SH3BP5: variants seen among roughly 807,000 people sequenced by gnomAD.
SH3BP5 encodes the protein SH3 domain-binding protein 5.
In SH3BP5, 22 loss-of-function variants were observed where a neutral mutation model predicts 43.3. The observed-to-expected ratio is 0.51, with a 90% confidence interval of 0.36 to 0.73. SH3BP5 has a LOEUF of 0.73. SH3BP5 is among the 30% of genes least tolerant of loss of function. The pLI, the probability that SH3BP5 is intolerant of heterozygous loss-of-function variation, is 0.00. For synonymous variants in SH3BP5, 255 were observed against 225.8 expected, an observed-to-expected ratio of 1.13 and a Z score of -1.16; for missense variants, 529 against 586.9, an observed-to-expected ratio of 0.90 and a Z score of 1.02.
intron 2 of SH3BP5, among the ~76,000 whole-genome samples, chr3:15,320,644 CACT>C (rs1698303585): frequency 3.2e-5 from 1 of 30,996 alleles, no homozygotes; most frequent in African/African-American, 1.2e-4. Flanking sequence ...ACACACACCC[CACT>C]ACGTTAAAGT....
At chr3:15,293,707 C>T (rs1697477673) in intron 3 of SH3BP5, among the ~76,000 whole-genome samples, 1 of 152,198 alleles carries the variant, frequency 6.6e-6, no homozygotes, top group African/African-American at 2.4e-5. Flanking sequence ...TAAACCTTCA[C>T]TCCTGTCCTC....
intron 3 of SH3BP5, among the ~76,000 whole-genome samples, chr3:15,296,170 C>T (rs1460931699): frequency 1.3e-5 from 2 of 152,120 alleles, no homozygotes; most frequent in African/African-American, 4.8e-5. Context: ...ATTGTATTTA[C>T]CTCTGCCATA....
chr3:15,270,698 G>A (rs1249484332), intron 3 of SH3BP5, among the ~76,000 whole-genome samples: 1 of 152,052 alleles, frequency 6.6e-6, no homozygotes, highest in African/African-American at 2.4e-5. Flanking sequence ...ATGGGAGGCA[G>A]GCGGATCACT....
intron 2 of SH3BP5, among the ~76,000 whole-genome samples, chr3:15,322,933 G>C (rs1004636192): frequency 1.3e-4 from 19 of 151,968 alleles, no homozygotes; most frequent in African/African-American, 3.4e-4. Context: ...TTTGAGGTCA[G>C]GAGTTGACCA....
At chr3:15,296,964 C>T (rs1396074980) in intron 3 of SH3BP5, among the ~76,000 whole-genome samples, 2 of 151,924 alleles carry the variant, frequency 1.3e-5, no homozygotes, top group Non-Finnish European at 2.9e-5. Context: ...CCCAAAATGC[C>T]AGGATTAGAG....
At chr3:15,331,153 GAACTT>G (rs1217488931) in intron 1 of SH3BP5, among the ~76,000 whole-genome samples, 2 of 152,148 alleles carry the variant, frequency 1.3e-5, no homozygotes, top group Non-Finnish European at 2.9e-5. Flanking sequence ...TATCCAACAT[GAACTT>G]AACTCATCAT....
chr3:15,255,737 G>A lies in SH3BP5; in HGVS notation c.*349C>T, dbSNP rs1696170895. On this transcript the variant is annotated 3_prime_UTR_variant, in exon 9 of 9. Coordinates refer to ENST00000383791, the MANE Select transcript of SH3BP5 (RefSeq NM_004844.5). ...TACAAACTGAGGGTGAGAAGAGAAA[G>A]AGAAGCAAGCTGTTGCCCCCACTTT... 5.0e-6 allele frequency: 1 copy of A among 200,486 alleles called. No individual in the cohort carries two copies. The highest frequency in any genetic ancestry group is 2.3e-5 in the African/African-American group (1 of 43,134). 12.4% of individuals were successfully genotyped at this position (200,486 alleles called of 1,614,324 possible).
At chr3:15,318,876 A>G (rs9861844) in intron 2 of SH3BP5, among the ~76,000 whole-genome samples, 2,825 of 152,254 alleles carry the variant, frequency 0.019, 83 homozygotes, top group African/African-American at 0.062. Flanking sequence ...CCAGCCTCCT[A>G]TGCTTTTTTG....
chr3:15,259,860 A>C (rs940396487), intron 5 of SH3BP5, 57 bp from the exon 6 acceptor site: 1 of 1,482,030 alleles, frequency 6.7e-7, no homozygotes, highest in African/African-American at 1.4e-5. Flanking sequence ...ACCACAGTCA[A>C]CTCCACAAGA....
chr3:15,269,279 G>A (rs1696729869), intron 4 of SH3BP5, among the ~76,000 whole-genome samples: 1 of 152,154 alleles, frequency 6.6e-6, no homozygotes, highest in Admixed American at 6.5e-5. Context: ...AATCCGCCAT[G>A]ACCCCTGCCT....
chr3:15,325,246 T>TA lies in SH3BP5; in HGVS notation c.201+5257dup, dbSNP rs371176309. On this transcript the variant is annotated intron_variant, in intron 2 of 8. Transcript: ENST00000383791. ...GAGACAGACCTATAAAATAGGCATT[T>TA]AAAAATTACATCAGCATATTGAGTT... Among the ~76,000 whole-genome samples, 618 of 152,392 alleles carry TA rather than the reference T, an allele frequency of 4.1e-3. 4 individuals are homozygous for TA. The highest frequency in any genetic ancestry group is 0.013 in the African/African-American group (557 of 41,598).
rs1288805856 is a variant in SH3BP5, at chr3:15,259,878, G to C, written c.627-75C>G. On this transcript the variant is annotated intron_variant, in intron 5 of 8. Coordinates refer to ENST00000383791, the MANE Select transcript of SH3BP5 (RefSeq NM_004844.5). ...ACAGTCAACTCCACAAGATGAACAAGAGGCATCAGCTACCACTGGCCAGGT... is the reference window on the plus strand; with the variant it reads ...ACAGTCAACTCCACAAGATGAACAACAGGCATCAGCTACCACTGGCCAGGT... 5 of 1,372,732 alleles carry C rather than the reference G, an allele frequency of 3.6e-6. No individual in the cohort carries two copies. The Admixed American group carries it at 8.4e-5, about 23-fold the overall frequency. 85.0% of individuals were successfully genotyped at this position (1,372,732 alleles called of 1,614,324 possible).
At chr3:15,278,672 CTTGA>C (rs939626137) in intron 3 of SH3BP5, among the ~76,000 whole-genome samples, 1 of 152,136 alleles carries the variant, frequency 6.6e-6, no homozygotes, top group Non-Finnish European at 1.5e-5. Context: ...CATTTAGTTC[CTTGA>C]TTATTTTTCA....
At chr3:15,299,708 C>A (rs1262257838) in intron 3 of SH3BP5, among the ~76,000 whole-genome samples, 1 of 151,368 alleles carries the variant, frequency 6.6e-6, no homozygotes, top group Admixed American at 6.6e-5. Context: ...ACCATGTTGC[C>A]CAGGCTGAAA....
chr3:15,268,243 T>C (rs935275475), intron 4 of SH3BP5, among the ~76,000 whole-genome samples: 4 of 152,200 alleles, frequency 2.6e-5, no homozygotes, highest in Non-Finnish European at 5.9e-5. Context: ...AAGCTTTCTA[T>C]TTAAGGAAGC....
chr3:15,309,594 C>A (rs149054988), intron 2 of SH3BP5, among the ~76,000 whole-genome samples: 13 of 152,164 alleles, frequency 8.5e-5, no homozygotes, highest in African/African-American at 2.9e-4. Flanking sequence ...AGGGGCATGA[C>A]CTGATCAAAT....
chr3:15,256,735 AGAGACCTGGTAATGCAGCATGGGGGCCCT>A (rs1358257522), intron 8 of SH3BP5, 89 bp downstream of exon 8: 2 of 1,191,712 alleles, frequency 1.7e-6, no homozygotes, highest in Admixed American at 5.4e-5. Context: ...GCACAACCAC[AGAGACCTGGTAATGCAGCATGGGGGCCCT>A]GAGACCTGGC....
rs925416152 is a variant in SH3BP5 at position 15,255,530 on chromosome 3, C to A, written c.*556G>T. 6.6e-6 allele frequency: 1 copy of A among 152,538 alleles called. No homozygotes were observed. Among genetic ancestry groups the A allele is most frequent in the Admixed American group, 6.5e-5 (1 of 15,282 alleles). 9.4% of individuals were successfully genotyped at this position (152,538 alleles called of 1,614,324 possible). On this transcript the variant is annotated 3_prime_UTR_variant, in exon 9 of 9. Coordinates refer to ENST00000383791, the MANE Select transcript of SH3BP5 (RefSeq NM_004844.5). ...CCCAGCATACACGCTTTTTTAAAAGCCCCCTCTGAACACCAGAGGTGGTGA... is the reference window on the plus strand; with the variant it reads ...CCCAGCATACACGCTTTTTTAAAAGACCCCTCTGAACACCAGAGGTGGTGA...
chr3:15,334,581 A>T (rs1043122502), upstream of SH3BP5, among the ~76,000 whole-genome samples: 2 of 151,696 alleles, frequency 1.3e-5, no homozygotes, highest in African/African-American at 4.8e-5. Context: ...AAAAAAAAAA[A>T]TACAGTATAT....
Sources: allele counts gnomAD v4.1 joint callset (sites outside exome capture counted in the v4.1 genomes callset), GRCh38; gene constraint gnomAD v4.1.1; transcripts MANE v1.5; gene names NCBI Gene and HGNC (gene_info 2026-07-23, HGNC 2026-07-21).